CAPN14: variants seen among roughly 807,000 people sequenced by gnomAD.
The protein encoded by CAPN14 is calpain 14, also known as calpain-14.
In CAPN14, 94 loss-of-function variants were observed where a neutral mutation model predicts 101.3. The ratio of observed to expected loss-of-function variants is 0.93; its 90% CI spans 0.79 to 1.10. The LOEUF (loss-of-function observed/expected upper bound fraction) is 1.10, where lower values mean the gene tolerates loss of function less well. Ranked by LOEUF, CAPN14 falls within the 50% of genes least tolerant of loss-of-function variation. The probability of loss-of-function intolerance (pLI) is 0.00; values close to 1 mark genes in which losing one functional copy is unlikely to be tolerated. For synonymous variants in CAPN14, 338 were observed against 317.9 expected (o/e 1.06, Z -0.67); for missense variants, 837 against 828.4 (o/e 1.01, Z -0.13).
chr2:31,184,784 C>T (rs1680824977), intron 16 of CAPN14, among the ~76,000 whole-genome samples: 1 of 152,210 alleles, frequency 6.6e-6, no homozygotes. Context: ...TCTAGCATTT[C>T]CTGGAACACA....
intron 12 of CAPN14, 181 bp from the exon 13 acceptor site, chr2:31,189,659 G>C: frequency 1.4e-6 from 1 of 693,072 alleles, no homozygotes; most frequent in Non-Finnish European, 2.6e-6. Flanking sequence ...GTGTGTGGAG[G>C]GCTGCACCTT....
At chr2:31,194,272 T>G in intron 9 of CAPN14, 137 bp downstream of exon 9, 2 of 656,654 alleles carry the variant, frequency 3.0e-6, no homozygotes, top group Non-Finnish European at 5.5e-6. Flanking sequence ...TGCTAGACCG[T>G]GAGCTCCTAA....
Position 31,203,006 on chromosome 2 carries a change from T to G in CAPN14, c.295+64A>C, listed in dbSNP as rs1572421006. The stretch of plus-strand genomic sequence containing the variant: ...GGCTTCTCTTCTTTATCAACCACTC[T>G]GTCTTGGCCAGGCCTGGTCAGCAGG... On this transcript the variant is annotated intron_variant, in intron 3 of 21. Coordinates refer to ENST00000403897, the MANE Select transcript of CAPN14 (RefSeq NM_001145122.2). 2.2e-6 allele frequency: 3 copies of G among 1,378,748 alleles called. No individual in the cohort carries two copies. The East Asian group carries it at 7.5e-5, about 34-fold the overall frequency. The allele number at this position is 1,378,748 out of a possible 1,614,324, so 85.4% of individuals were successfully genotyped here. A position where few individuals can be genotyped will look rare whatever the true frequency, so the allele number is the denominator to read the frequency against.
intron 2 of CAPN14, among the ~76,000 whole-genome samples, chr2:31,224,707 A>G (rs1682969443): frequency 6.6e-6 from 1 of 151,980 alleles, no homozygotes. Flanking sequence ...TATATTGTTT[A>G]AATTAATGGG....
At chr2:31,192,153 T>G in intron 10 of CAPN14, 55 bp from the exon 11 acceptor site, 1 of 1,482,652 alleles carries the variant, frequency 6.7e-7, no homozygotes, top group Non-Finnish European at 9.0e-7. Context: ...TGCATCCTGC[T>G]TGCCGAACCA....
At chr2:31,195,647 A>G (rs1434368115) in intron 8 of CAPN14, among the ~76,000 whole-genome samples, 1 of 152,180 alleles carries the variant, frequency 6.6e-6, no homozygotes, top group African/African-American at 2.4e-5. Flanking sequence ...AAAAGACTTT[A>G]TTGAATACAT....
At position 31,177,084 on chromosome 2, in the gene CAPN14, G is replaced by T; in HGVS notation, c.1914C>A (p.Arg638=). The part of the protein sequence containing the change: ...QLMLIRYGGP[R]LQMDFVSFIH... Reference sequence around the variant, plus strand: ...TGAAACTGACAAAGTCCATCTGGAGGCGGGGGCCGCCGTAGCGGATGAGCA... The same window carrying T: ...TGAAACTGACAAAGTCCATCTGGAGTCGGGGGCCGCCGTAGCGGATGAGCA... Residue 638 remains arginine (R), a synonymous_variant, in exon 20 of 22, where the codon CGC becomes CGA. Transcript: ENST00000403897. 1 of 1,551,508 alleles carries T rather than the reference G, an allele frequency of 6.4e-7. No homozygotes were observed. Among genetic ancestry groups the T allele is most frequent in the East Asian group, 2.4e-5 (1 of 40,912 alleles).
intron 1 of CAPN14, 144 bp from the exon 2 acceptor site, chr2:31,205,643 C>T (rs1346408344): frequency 9.7e-6 from 6 of 616,726 alleles, no homozygotes; most frequent in Non-Finnish European, 1.8e-5. Flanking sequence ...TCGATTTTGT[C>T]CCAGAGAGTG....
intron 14 of CAPN14, among the ~76,000 whole-genome samples, chr2:31,188,063 A>T (rs1680994291): frequency 6.6e-6 from 1 of 152,236 alleles, no homozygotes; most frequent in Non-Finnish European, 1.5e-5. Context: ...GAATGTAGAG[A>T]TGTAGCTCAT....
chr2:31,192,115 C>A lies in CAPN14; in HGVS notation c.1115-17G>T. The A allele has an allele frequency of 6.5e-7, 1 of 1,531,368 alleles. No individual in the cohort carries two copies. The highest frequency in any genetic ancestry group is 8.8e-7 in the Non-Finnish European group (1 of 1,135,126). 94.9% of individuals were successfully genotyped at this position (1,531,368 alleles called of 1,614,324 possible). A position where few individuals can be genotyped will look rare whatever the true frequency, so the allele number is the denominator to read the frequency against. ...AAAATGTGTCTGGAGCAGAACACAG[C>A]AAGGTGAGAATGGGCCCCGGATCCC... On this transcript the variant is annotated splice_polypyrimidine_tract_variant and intron_variant, in intron 10 of 21. Coordinates refer to ENST00000403897, the MANE Select transcript of CAPN14 (RefSeq NM_001145122.2).
chr2:31,200,647 A>T, intron 5 of CAPN14, 22 bp from the exon 6 acceptor site: 1 of 1,524,404 alleles, frequency 6.6e-7, no homozygotes, highest in Middle Eastern at 1.7e-4. Context: ...AGAAATAAAC[A>T]TGAGAGGAAA....
At chr2:31,180,778 C>T (rs1680552670) in intron 17 of CAPN14, among the ~76,000 whole-genome samples, 158 bp downstream of exon 17, 1 of 152,230 alleles carries the variant, frequency 6.6e-6, no homozygotes, top group African/African-American at 2.4e-5. Flanking sequence ...TCTCTCCATG[C>T]TTCAGATGAG....
Position 31,230,515 on chromosome 2 carries a change from C to A in CAPN14, c.-177+3276G>T, listed in dbSNP as rs1038780377. ...AGCTCCCATTGCTCTACATCCTCACCAACCCTACCATCCAACTTTTTATTC... is the reference window on the plus strand; with the variant it reads ...AGCTCCCATTGCTCTACATCCTCACAAACCCTACCATCCAACTTTTTATTC... On this transcript the variant is annotated intron_variant and NMD_transcript_variant, in intron 1 of 21. Transcript: ENST00000398824. The surrounding 1 kb of genome is among the most constrained non-coding windows in gnomAD (Gnocchi z 4.3). Among the ~76,000 whole-genome samples, 2 of 152,218 alleles carry A rather than the reference C, an allele frequency of 1.3e-5. No homozygotes were observed. The highest frequency in any genetic ancestry group is 2.9e-5 in the Non-Finnish European group (2 of 68,042).
intron 16 of CAPN14, 73 bp downstream of exon 16, chr2:31,186,355 A>G: frequency 9.3e-7 from 1 of 1,072,332 alleles, no homozygotes; most frequent in Non-Finnish European, 1.3e-6. Context: ...CACCAAGGGA[A>G]AGAGAAACAA....
intron 7 of CAPN14, among the ~76,000 whole-genome samples, chr2:31,198,296 G>A (rs1681572944): frequency 6.6e-6 from 1 of 152,142 alleles, no homozygotes; most frequent in Non-Finnish European, 1.5e-5. Context: ...GGAATCAAAT[G>A]TTCATCTTAC....
intron 12 of CAPN14, 103 bp downstream of exon 12, chr2:31,191,296 T>C: frequency 1.7e-6 from 2 of 1,146,280 alleles, no homozygotes; most frequent in Non-Finnish European, 2.5e-6. Context: ...TCATAGCTTC[T>C]TACGCAGTAG....
At chr2:31,195,024 G>T (rs897593441) in intron 8 of CAPN14, among the ~76,000 whole-genome samples, 9 of 152,130 alleles carry the variant, frequency 5.9e-5, no homozygotes, top group Admixed American at 5.2e-4. Context: ...TCTTCCTGAA[G>T]GTAATTTCCT....
chr2:31,184,161 G>A (rs2148675749), intron 16 of CAPN14, among the ~76,000 whole-genome samples: 1 of 152,324 alleles, frequency 6.6e-6, no homozygotes, highest in South Asian at 2.1e-4. Flanking sequence ...GGGATTACAG[G>A]AGTGAGCCAC....
At chr2:31,220,010 T>A (rs1682814406), upstream of CAPN14, among the ~76,000 whole-genome samples, 1 of 152,208 alleles carries the variant, frequency 6.6e-6, no homozygotes, top group Non-Finnish European at 1.5e-5. Context: ...TTCCTTTCCC[T>A]CTAATCAAAA....
Sources: gnomAD v4.1 joint callset for allele counts (sites outside exome capture counted in the v4.1 genomes callset) on GRCh38, gnomAD v4.1.1 for gene constraint, Gnocchi (gnomAD v3.1) non-coding constraint, MANE v1.5 for transcripts, NCBI Gene and HGNC (gene_info 2026-07-23, HGNC 2026-07-21) for gene names.